The following IFT43 variants were observed in gnomAD, a reference collection of about 807,000 sequenced individuals.
IFT43 encodes intraflagellar transport protein 43 homolog.
Under a neutral mutation model 32.3 loss-of-function variants are expected in IFT43, and 33 were observed. That is an observed-to-expected ratio of 1.02 (90% CI 0.77 to 1.37). The LOEUF is 1.37. Among genes scored for constraint, IFT43 ranks in the 40% most tolerant of loss-of-function variants. The pLI, the probability that IFT43 is intolerant of heterozygous loss-of-function variation, is 0.00. For synonymous variants in IFT43, 93 were observed against 98.2 expected, an observed-to-expected ratio of 0.95 and a Z score of 0.31; for missense variants, 274 against 265.9, an observed-to-expected ratio of 1.03 and a Z score of -0.21.
intron 3 of IFT43, among the ~76,000 whole-genome samples, chr14:76,048,885 A>G (rs1047755142): frequency 1.3e-5 from 2 of 152,182 alleles, no homozygotes; most frequent in Non-Finnish European, 2.9e-5. Context: ...AGTGGCTCGC[A>G]TGCCAGCAAC....
At chr14:76,026,552 C>CAAAA (rs58799745) in intron 3 of IFT43, among the ~76,000 whole-genome samples, 5 of 84,464 alleles carry the variant, frequency 5.9e-5, no homozygotes, top group African/African-American at 1.6e-4. Context: ...GAGTGAAACT[C>CAAAA]AAAAAAAAAA....
intron 2 of IFT43, among the ~76,000 whole-genome samples, chr14:76,004,390 A>G (rs2035944150): frequency 6.6e-6 from 1 of 150,894 alleles, no homozygotes; most frequent in African/African-American, 2.4e-5. Flanking sequence ...TCCTCTGGCC[A>G]TTTTTCCCCC....
rs555288879 is a variant in IFT43 at position 76,015,565 on chromosome 14, A to G, written c.148-6762A>G. On this transcript the variant is annotated intron_variant, in intron 2 of 8. Transcript: ENST00000314067. ...AATGGCTTCAGTTATTAGTGAAAAAAATCCTTTGATTTTAGAAGTAGGTGT... is the reference window on the plus strand; with the variant it reads ...AATGGCTTCAGTTATTAGTGAAAAAGATCCTTTGATTTTAGAAGTAGGTGT... 7.0e-4 allele frequency among the ~76,000 whole-genome samples: 107 copies of G among 152,320 alleles called. 1 individual carries two copies. The highest frequency in any genetic ancestry group is 2.5e-3 in the African/African-American group (103 of 41,580).
At chr14:75,994,433 G>A (rs2035703968) in intron 2 of IFT43, among the ~76,000 whole-genome samples, 1 of 152,194 alleles carries the variant, frequency 6.6e-6, no homozygotes, top group East Asian at 1.9e-4. Flanking sequence ...AAATTTACCA[G>A]AAAGATGAAC....
chr14:75,988,672 C>T lies in IFT43; in HGVS notation c.55-213C>T, dbSNP rs551609899. Among the ~76,000 whole-genome samples, 140 of 152,334 alleles carry T rather than the reference C, an allele frequency of 9.2e-4. 1 individual carries two copies. Among genetic ancestry groups the T allele is most frequent in the Admixed American group, 1.6e-3 (25 of 15,306 alleles). On this transcript the variant is annotated intron_variant, in intron 1 of 8. Coordinates refer to ENST00000314067, the MANE Select transcript of IFT43 (RefSeq NM_001102564.3). Reference sequence around the variant, plus strand: ...TAGCTGGGACTACAGGCGCCCGCCACAACGCCAGGCTAATCTTTTGTGTTT... The same window carrying T: ...TAGCTGGGACTACAGGCGCCCGCCATAACGCCAGGCTAATCTTTTGTGTTT...
At chr14:76,026,940 A>C (rs964040770) in intron 3 of IFT43, among the ~76,000 whole-genome samples, 1 of 152,222 alleles carries the variant, frequency 6.6e-6, no homozygotes, top group Admixed American at 6.5e-5. Flanking sequence ...AGGAACATGG[A>C]TGGAGCTGCA....
At chr14:76,065,264 AC>A in intron 5 of IFT43, among the ~76,000 whole-genome samples, 1 of 152,310 alleles carries the variant, frequency 6.6e-6, no homozygotes, top group Non-Finnish European at 1.5e-5. Flanking sequence ...ATCATTTACT[AC>A]CAAACACTTA....
intron 2 of IFT43, among the ~76,000 whole-genome samples, chr14:75,993,300 T>A (rs1361490389): frequency 6.6e-6 from 1 of 152,198 alleles, no homozygotes; most frequent in East Asian, 1.9e-4. Context: ...ATATGGAAAT[T>A]CAGATTTGGG....
chr14:75,997,952 A>AAAAAC lies in IFT43; in HGVS notation c.147+8996_147+9000dup, dbSNP rs542809856. Among the ~76,000 whole-genome samples, 753 of 152,328 alleles carry AAAAAC rather than the reference A, an allele frequency of 4.9e-3. 5 individuals carry two copies. Among genetic ancestry groups the AAAAAC allele is most frequent in the Non-Finnish European group, 6.1e-3 (414 of 68,036 alleles). ...TGGATACTCGTTGCACTTAAGATAA[A>AAAAAC]AAAACAAAACAAAACAAAACAAAAC... On this transcript the variant is annotated intron_variant, in intron 2 of 8. Coordinates refer to ENST00000314067, the MANE Select transcript of IFT43 (RefSeq NM_001102564.3).
Position 76,037,691 on chromosome 14 carries a change from GT to G in IFT43, c.215+15310del, listed in dbSNP as rs34567798. ...AAATGTGGCTTTTCCCTCATTCTCTGTTTTTTTTTTTTTAATTTTATTGAAC... is the reference window on the plus strand; with the variant it reads ...AAATGTGGCTTTTCCCTCATTCTCTGTTTTTTTTTTTTAATTTTATTGAAC... On this transcript the variant is annotated intron_variant, in intron 3 of 8. Transcript: ENST00000314067. Among the ~76,000 whole-genome samples the G allele has an allele frequency of 2.0e-3, 289 of 146,938 alleles. 2 individuals carry two copies. The highest frequency in any genetic ancestry group is 6.6e-3 in the African/African-American group (266 of 40,120).
intron 5 of IFT43, among the ~76,000 whole-genome samples, chr14:76,067,192 G>A (rs1224647048): frequency 1.3e-5 from 2 of 152,194 alleles, no homozygotes; most frequent in Non-Finnish European, 2.9e-5. Flanking sequence ...CTCTCTTCCA[G>A]ACCTCTGATG....
intron 2 of IFT43, among the ~76,000 whole-genome samples, chr14:76,019,761 T>C (rs867663397): frequency 1.3e-5 from 2 of 152,132 alleles, no homozygotes; most frequent in Non-Finnish European, 2.9e-5. Context: ...TATTCTTTTT[T>C]CTTTTTTGTC....
intron 3 of IFT43, chr14:76,038,089 C>T (rs2036636473): frequency 6.6e-6 from 1 of 152,182 alleles, no homozygotes; most frequent in African/African-American, 2.4e-5. Context: ...CCGCAAAGAA[C>T]CCGGAATCAG....
At chr14:75,996,190 C>T (rs1296081314) in intron 2 of IFT43, among the ~76,000 whole-genome samples, 1 of 152,176 alleles carries the variant, frequency 6.6e-6, no homozygotes, top group African/African-American at 2.4e-5. Flanking sequence ...AAGAGCTTAG[C>T]CCAGTGCACT....
At chr14:76,058,773 T>C (rs1465525330) in intron 4 of IFT43, 99 bp downstream of exon 4, 1 of 1,601,504 alleles carries the variant, frequency 6.2e-7, no homozygotes, top group African/African-American at 1.3e-5. Context: ...TGTTGAACAC[T>C]GTGTTAGAAG....
intron 5 of IFT43, among the ~76,000 whole-genome samples, chr14:76,069,777 A>G (rs1021140115): frequency 6.6e-6 from 1 of 152,144 alleles, no homozygotes; most frequent in Non-Finnish European, 1.5e-5. Context: ...GTGTTTAACC[A>G]TTGCCTTTTA....
intron 5 of IFT43, among the ~76,000 whole-genome samples, chr14:76,077,795 G>A (rs990266668): frequency 2.6e-5 from 4 of 152,170 alleles, no homozygotes; most frequent in African/African-American, 9.7e-5. Flanking sequence ...AGTCTCTCCA[G>A]TGTTTCCAGT....
chr14:76,032,160 C>A (rs1336394542), intron 3 of IFT43, among the ~76,000 whole-genome samples: 2 of 152,150 alleles, frequency 1.3e-5, no homozygotes, highest in East Asian at 3.8e-4. Flanking sequence ...TGGAATTATC[C>A]TGGCCTCCTC....
intron 7 of IFT43, 116 bp downstream of exon 7, chr14:76,082,808 C>T: frequency 2.4e-6 from 2 of 816,976 alleles, no homozygotes; most frequent in Non-Finnish European, 4.3e-6. Context: ...CCTGAGGCTG[C>T]CTGCCTGGCA....
Sources: allele counts gnomAD v4.1 joint callset (sites outside exome capture counted in the v4.1 genomes callset), GRCh38; gene constraint gnomAD v4.1.1; transcripts MANE v1.5; gene names NCBI Gene and HGNC (gene_info 2026-07-23, HGNC 2026-07-21).